The following TMCO4 variants were observed in gnomAD, a reference collection of about 807,000 sequenced individuals.
The protein encoded by TMCO4 is transmembrane and coiled-coil domains 4, also known as transmembrane and coiled-coil domain-containing protein 4.
TMCO4 carries 58 observed loss-of-function variants against 64.7 expected under a neutral mutation model. The observed-to-expected ratio is 0.90, with a 90% confidence interval of 0.73 to 1.12. The LOEUF is 1.12. Among genes scored for constraint, TMCO4 ranks in the 50% most tolerant of loss-of-function variants. TMCO4 has a pLI of 0.00. For missense variants in TMCO4, 780 were observed against 825.9 expected (o/e 0.94, Z 0.68); for synonymous variants, 325 against 346.1 (o/e 0.94, Z 0.68).
At chr1:19,764,651 G>A (rs1265145645) in intron 6 of TMCO4, among the ~76,000 whole-genome samples, 2 of 152,048 alleles carry the variant, frequency 1.3e-5, no homozygotes, top group South Asian at 2.1e-4. Context: ...TCAGGAGTTC[G>A]AGACCAGCCT....
intron 13 of TMCO4, among the ~76,000 whole-genome samples, chr1:19,712,872 G>A (rs562823641): frequency 1.5e-4 from 23 of 152,204 alleles, no homozygotes; most frequent in Middle Eastern, 3.4e-3. Flanking sequence ...CAAATTGGCC[G>A]GGCAATTCTG....
chr1:19,757,243 C>A (rs1254286346), intron 6 of TMCO4, among the ~76,000 whole-genome samples: 1 of 151,904 alleles, frequency 6.6e-6, no homozygotes, highest in Non-Finnish European at 1.5e-5. Flanking sequence ...AATTTAGCAT[C>A]TTACGGTTCT....
chr1:19,741,496 A>G (rs1016953865), intron 10 of TMCO4, among the ~76,000 whole-genome samples: 2 of 152,042 alleles, frequency 1.3e-5, no homozygotes, highest in Non-Finnish European at 2.9e-5. Flanking sequence ...GGGTCATTCA[A>G]TTTTTCTGAG....
intron 4 of TMCO4, among the ~76,000 whole-genome samples, chr1:19,776,962 G>C (rs1187734270): frequency 6.7e-6 from 1 of 149,304 alleles, no homozygotes; most frequent in Non-Finnish European, 1.5e-5. Context: ...AGGAGGCAGA[G>C]GTTGCAGTGA....
intron 14 of TMCO4, among the ~76,000 whole-genome samples, 182 bp downstream of exon 14, chr1:19,700,586 C>G (rs1208186540): frequency 6.6e-6 from 1 of 152,184 alleles, no homozygotes; most frequent in Admixed American, 6.5e-5. Flanking sequence ...ACTGGAGGGC[C>G]GCTTCCCAGA....
chr1:19,757,987 T>G (rs2042339396), intron 6 of TMCO4, among the ~76,000 whole-genome samples: 1 of 152,210 alleles, frequency 6.6e-6, no homozygotes, highest in African/African-American at 2.4e-5. Flanking sequence ...AGACACAAGT[T>G]GTCTAAAACG....
intron 13 of TMCO4, among the ~76,000 whole-genome samples, chr1:19,722,261 C>T (rs778270573): frequency 1.3e-5 from 2 of 152,118 alleles, no homozygotes; most frequent in African/African-American, 2.4e-5. Flanking sequence ...AAATGAGGCC[C>T]AGCATATCAG....
In TMCO4 at chr1:19,694,501, C is replaced by G; in HGVS notation, c.1433G>C (p.Arg478Pro). ...CAGCACGGGCTGTAGGCCGGCGACA[C>G]GGAGCTGCACCGAGGATGTGCGGTA... is the stretch of plus-strand genomic sequence containing the variant. Reference protein sequence around the residue: ...FVYRTSSVQLRVAGLQPVLLQ... With the variant: ...FVYRTSSVQLPVAGLQPVLLQ... The change falls in exon 15 of 16, where the codon CGT (arginine) becomes CCT (proline). Residue 478 changes from arginine to proline, a missense_variant. Coordinates refer to ENST00000294543, the MANE Select transcript of TMCO4 (RefSeq NM_181719.7). 1 of 1,613,692 alleles carries G rather than the reference C, an allele frequency of 6.2e-7. No individual in the cohort carries two copies. The highest frequency in any genetic ancestry group is 2.2e-5 in the East Asian group (1 of 44,856).
intron 4 of TMCO4, among the ~76,000 whole-genome samples, chr1:19,779,683 C>G (rs189167443): frequency 6.6e-6 from 1 of 152,320 alleles, no homozygotes; most frequent in East Asian, 1.9e-4. Flanking sequence ...ATGTAAGCAC[C>G]TTGAGGGCAG....
At position 19,748,491 on chromosome 1, in the gene TMCO4, C is replaced by T. The variant is rs550244037; in HGVS notation, c.516-1231G>A. On this transcript the variant is annotated intron_variant, in intron 7 of 15. Coordinates refer to ENST00000294543, the MANE Select transcript of TMCO4 (RefSeq NM_181719.7). ...CCCATCTCCCTCCTTGTGAACCATA[C>T]ATTTTATTGAGAAATAGCTTCTTCT... Among the ~76,000 whole-genome samples the T allele has an allele frequency of 4.0e-4, 61 of 152,298 alleles. No individual in the cohort carries two copies. In the South Asian group the frequency reaches 0.012, roughly 30 times the overall value.
chr1:19,760,508 C>T (rs936782416), intron 6 of TMCO4, among the ~76,000 whole-genome samples: 2 of 152,214 alleles, frequency 1.3e-5, no homozygotes, highest in Non-Finnish European at 2.9e-5. Flanking sequence ...GCCTCAACCT[C>T]CTGGGCTCAA....
intron 11 of TMCO4, 49 bp from the exon 12 acceptor site, chr1:19,740,009 C>T (rs1557543574): frequency 6.4e-7 from 1 of 1,558,078 alleles, no homozygotes; most frequent in Admixed American, 1.9e-5. Flanking sequence ...TCCTAGGGTC[C>T]TACTAGGGAA....
intron 15 of TMCO4, among the ~76,000 whole-genome samples, chr1:19,694,086 C>T (rs10917519): frequency 0.035 from 5,291 of 152,260 alleles, 251 homozygotes; most frequent in African/African-American, 0.12. Flanking sequence ...ACTGCAGCCT[C>T]CATCTCCTGG....
intron 2 of TMCO4, among the ~76,000 whole-genome samples, chr1:19,797,276 C>T (rs2044352581): frequency 6.6e-6 from 1 of 152,120 alleles, no homozygotes; most frequent in South Asian, 2.1e-4. Context: ...GAGTATAATT[C>T]CACCCTGAAC....
intron 15 of TMCO4, 48 bp from the exon 16 acceptor site, chr1:19,683,492 C>T (rs1235074225): frequency 1.5e-5 from 24 of 1,596,772 alleles, no homozygotes; most frequent in Non-Finnish European, 2.0e-5. Context: ...CAGAGCCCAG[C>T]CCTCCCCAGG....
intron 2 of TMCO4, among the ~76,000 whole-genome samples, chr1:19,797,481 A>C (rs12118502): frequency 0.027 from 4,180 of 152,136 alleles, 93 homozygotes; most frequent in African/African-American, 0.063. Context: ...GGCTGTTGAT[A>C]AGTGGTCTGA....
chr1:19,777,410 C>G (rs115628952), intron 4 of TMCO4, among the ~76,000 whole-genome samples: 1 of 150,740 alleles, frequency 6.6e-6, no homozygotes, highest in Admixed American at 6.6e-5. Context: ...TGCAGTGGCA[C>G]GATCACAGCT....
At chr1:19,788,597 A>AGCATGTTTTTGCTTCTCCTTC (rs1208960050) in intron 2 of TMCO4, among the ~76,000 whole-genome samples, 1 of 152,210 alleles carries the variant, frequency 6.6e-6, no homozygotes, top group Non-Finnish European at 1.5e-5. Context: ...TGCACTGGTG[A>AGCATGTTTTTGCTTCTCCTTC]CAATCCGTTT....
At chr1:19,692,701 C>A (rs942752561) in intron 15 of TMCO4, among the ~76,000 whole-genome samples, 10 of 149,386 alleles carry the variant, frequency 6.7e-5, no homozygotes, top group African/African-American at 2.0e-4. Context: ...GAGCCGAGAT[C>A]GCGCCATTGC....
Sources: gnomAD v4.1 joint callset for allele counts (sites outside exome capture counted in the v4.1 genomes callset) on GRCh38, gnomAD v4.1.1 for gene constraint, MANE v1.5 for transcripts, NCBI Gene and HGNC (gene_info 2026-07-23, HGNC 2026-07-21) for gene names.